MICAL3: variants seen among roughly 807,000 people sequenced by gnomAD.
MICAL3 encodes the protein [F-actin]-monooxygenase MICAL3.
MICAL3 carries 62 observed loss-of-function variants against 207.4 expected under a neutral mutation model. The observed-to-expected ratio is 0.30, with a 90% confidence interval of 0.24 to 0.37. The LOEUF is 0.37. Among genes scored for constraint, MICAL3 ranks in the 10% least tolerant of loss-of-function variants. The pLI is 1.00. For missense variants in MICAL3, 2,368 were observed against 2,635.6 expected (o/e 0.90, Z 2.22); for synonymous variants, 1,077 against 1,069.3 (o/e 1.01, Z -0.14).
intron 23 of MICAL3, 52 bp downstream of exon 23, chr22:17,822,895 C>T (rs1237598102): frequency 1.6e-6 from 2 of 1,241,638 alleles, no homozygotes; most frequent in Non-Finnish European, 1.2e-6. Flanking sequence ...AAGCATATTG[C>T]CTTCATCTTC....
intron 2 of MICAL3, 70 bp from the exon 3 acceptor site, chr22:17,904,909 G>T: frequency 2.6e-6 from 3 of 1,162,554 alleles, no homozygotes; most frequent in South Asian, 1.3e-5. Context: ...TCTCATGATT[G>T]TAAGATCATC....
At chr22:17,948,145 GA>G (rs1186986547) in intron 1 of MICAL3, among the ~76,000 whole-genome samples, 1 of 152,164 alleles carries the variant, frequency 6.6e-6, no homozygotes, top group Non-Finnish European at 1.5e-5. Context: ...CACTGGAAAA[GA>G]AATCACACTG....
rs1284634874 is a variant in MICAL3 at position 17,956,600 on chromosome 22, C to A, written c.-74-49714G>T. 2.0e-5 allele frequency among the ~76,000 whole-genome samples: 3 copies of A among 152,236 alleles called. No individual in the cohort carries two copies. The East Asian group carries it at 5.8e-4, about 29-fold the overall frequency. ...AGGAGAATTGCTTGAACCTGGGAGGCAGAGGTTGCCGTGAGCCAAGATCAC... is the reference window on the plus strand; with the variant it reads ...AGGAGAATTGCTTGAACCTGGGAGGAAGAGGTTGCCGTGAGCCAAGATCAC... On this transcript the variant is annotated intron_variant, in intron 1 of 31. Transcript: ENST00000441493.
At position 17,818,483 on chromosome 22, in the gene MICAL3, T is replaced by C; in HGVS notation, c.4178A>G (p.Lys1393Arg). The change falls in exon 26 of 32, where the codon AAG (lysine) becomes AGG (arginine). Residue 1393 changes from lysine (K) to arginine (R), a missense_variant. Physicochemically the swap from Lys to Arg is conservative, Grantham distance 26. This residue lies in a region of MICAL3 where 1,770 missense variants were observed against 1,863.2 expected (regional missense o/e 0.95). Transcript: ENST00000441493. Reference sequence around the variant, plus strand: ...CAGGGACAACGGCTCGCCTTCCGGCTTTGGCAGGCCCAGCCTTTTGGGGAT... The same window carrying C: ...CAGGGACAACGGCTCGCCTTCCGGCCTTGGCAGGCCCAGCCTTTTGGGGAT... ...LSIPKRLGLP[K>R]PEGEPLSLPT... 1.9e-6 allele frequency: 3 copies of C among 1,612,844 alleles called. No individual in the cohort carries two copies. The highest frequency in any genetic ancestry group is 2.5e-6 in the Non-Finnish European group (3 of 1,179,880).
At chr22:17,976,860 G>A (rs958840425) in intron 1 of MICAL3, among the ~76,000 whole-genome samples, 14 of 149,106 alleles carry the variant, frequency 9.4e-5, no homozygotes, top group African/African-American at 3.2e-4. Context: ...AGGCTGGAGT[G>A]CAGTGGCGTG....
chr22:17,849,410 A>G (rs1303885373), intron 19 of MICAL3, among the ~76,000 whole-genome samples: 1 of 152,152 alleles, frequency 6.6e-6, no homozygotes, highest in Non-Finnish European at 1.5e-5. Flanking sequence ...TCATGGCTCA[A>G]TGCAGACTCA....
chr22:17,933,646 G>A (rs1206492413), intron 1 of MICAL3, among the ~76,000 whole-genome samples: 3 of 152,072 alleles, frequency 2.0e-5, no homozygotes, highest in Non-Finnish European at 1.5e-5. Flanking sequence ...AGAGATTACA[G>A]ACACAAAGAA....
At position 17,865,990 on chromosome 22, in the gene MICAL3, G is replaced by A; in HGVS notation, c.2451C>T (p.His817=). ...IEDGKFYCKP[H]YCYRLSGYAQ... ...CGTAGCCAGAGAGTCGATAGCAGTA[G>A]TGTGGCTTACAGTAGAATTTACCTG... is the stretch of plus-strand genomic sequence containing the variant. Residue 817 remains histidine (H), a synonymous_variant, in exon 18 of 32, where the codon CAC becomes CAT. Coordinates refer to ENST00000441493, the MANE Select transcript of MICAL3 (RefSeq NM_015241.3). The A allele has an allele frequency of 6.2e-7, 1 of 1,613,872 alleles. No homozygotes were observed. The highest frequency in any genetic ancestry group is 8.5e-7 in the Non-Finnish European group (1 of 1,179,736).
At chr22:17,944,886 G>A (rs549767516) in intron 1 of MICAL3, among the ~76,000 whole-genome samples, 5 of 152,170 alleles carry the variant, frequency 3.3e-5, no homozygotes, top group South Asian at 2.1e-4. Context: ...CCTGGGGACC[G>A]CTGTACTATT....
rs1211347681 is a variant in MICAL3 at position 17,832,108 on chromosome 22, CT to C, written c.2802-2del. 3 of 1,565,418 alleles carry C rather than the reference CT, an allele frequency of 1.9e-6. No homozygotes were observed. The South Asian group carries it at 3.5e-5, about 18-fold the overall frequency. ...CTCCTCCATCTCAGACTCGGAACTA[CT>C]GTGAGGAAATAACCACATAGCCAGA... On this transcript the variant is annotated splice_acceptor_variant, in intron 20 of 31. Coordinates refer to ENST00000441493, the MANE Select transcript of MICAL3 (RefSeq NM_015241.3). LOFTEE classifies it high-confidence loss of function.
intron 19 of MICAL3, among the ~76,000 whole-genome samples, chr22:17,843,037 T>C (rs756888736): frequency 9.7e-5 from 14 of 144,646 alleles, no homozygotes; most frequent in Admixed American, 1.4e-4. Context: ...AGGAGAATGG[T>C]GTGAACCTGG....
In MICAL3 at chr22:17,789,192, G is replaced by A. The variant is rs992535918; in HGVS notation, c.*1540C>T. 2.9e-5 allele frequency: 3 copies of A among 105,160 alleles called. No individual in the cohort carries two copies. The highest frequency in any genetic ancestry group is 2.8e-4 in the South Asian group (1 of 3,542). 6.5% of individuals were successfully genotyped at this position (105,160 alleles called of 1,614,324 possible). The stretch of plus-strand genomic sequence containing the variant: ...GGTGCCCGTCGCCTTCGGAAGGAAG[G>A]GCGGGAGTCGCTGATCTGCTTGAGA... On this transcript the variant is annotated 3_prime_UTR_variant, in exon 32 of 32. Transcript: ENST00000441493.
chr22:17,872,512 GCTGTAT>G lies in MICAL3; in HGVS notation c.2242-495_2242-490del, dbSNP rs564253013. 5.6e-4 allele frequency among the ~76,000 whole-genome samples: 86 copies of G among 152,326 alleles called. 1 individual carries two copies. The East Asian group carries it at 0.014, about 25-fold the overall frequency. On this transcript the variant is annotated intron_variant, in intron 16 of 31. Coordinates refer to ENST00000441493, the MANE Select transcript of MICAL3 (RefSeq NM_015241.3). ...CTAGCAGAGTTCTGTTCTGAGGGTA[GCTGTAT>G]CTGTATCTATTCCGTGTTGACATAG...
rs1302466319 is a variant in MICAL3 at position 18,021,853 on chromosome 22, C to T, written c.-75+2428G>A. On this transcript the variant is annotated intron_variant, in intron 1 of 31. Transcript: ENST00000441493. Reference sequence around the variant, plus strand: ...TTAAACAACATCTTAATCCCCTTGCCTATTTATGAGGTGTATGACTGAGCC... The same window carrying T: ...TTAAACAACATCTTAATCCCCTTGCTTATTTATGAGGTGTATGACTGAGCC... Among the ~76,000 whole-genome samples the T allele has an allele frequency of 3.3e-5, 5 of 152,116 alleles. No homozygotes were observed. The East Asian group carries it at 9.6e-4, about 29-fold the overall frequency.
At chr22:17,876,935 T>G (rs149148902) in intron 16 of MICAL3, 997 of 42,116 alleles carry the variant, frequency 0.024, 4 homozygotes, top group Non-Finnish European at 0.039. Flanking sequence ...TTAGGGAGGT[T>G]AGGGAGGTTA....
chr22:17,898,578 C>T (rs186609116), intron 7 of MICAL3, among the ~76,000 whole-genome samples: 87 of 152,320 alleles, frequency 5.7e-4, no homozygotes, highest in African/African-American at 1.8e-3. Flanking sequence ...CAAAGGACTC[C>T]CTGAAATTCA....
At chr22:17,920,989 A>G (rs773235567) in intron 1 of MICAL3, among the ~76,000 whole-genome samples, 52 of 152,180 alleles carry the variant, frequency 3.4e-4, no homozygotes, top group Non-Finnish European at 6.8e-4. Context: ...TGGTTCCTAA[A>G]TAAGATGACT....
intron 27 of MICAL3, chr22:17,812,790 GC>G (rs1463685453): frequency 6.6e-6 from 1 of 152,596 alleles, no homozygotes; most frequent in Admixed American, 6.5e-5. Context: ...TTTGAATACG[GC>G]CGGGGTTCAC....
At chr22:17,884,434 G>A (rs1929701908) in intron 16 of MICAL3, 2 of 1,120,270 alleles carry the variant, frequency 1.8e-6, no homozygotes, top group Non-Finnish European at 1.3e-6. Context: ...TAAGGTGGGA[G>A]AAGAACAGAA....
Sources: allele counts gnomAD v4.1 joint callset (sites outside exome capture counted in the v4.1 genomes callset), GRCh38; gene constraint gnomAD v4.1.1; regional missense constraint gnomAD v4.1.1; transcripts MANE v1.5; gene names NCBI Gene and HGNC (gene_info 2026-07-23, HGNC 2026-07-21).